Variants in IHO1 observed in about 807,000 individuals in gnomAD.
IHO1 encodes interactor of HORMAD1 1.
Under a neutral mutation model 31.0 loss-of-function variants are expected in IHO1, and 13 were observed. The ratio of observed to expected loss-of-function variants is 0.42; its 90% CI spans 0.27 to 0.67. The LOEUF (loss-of-function observed/expected upper bound fraction) is 0.67, where lower values mean the gene tolerates loss of function less well. Ranked by LOEUF, IHO1 falls within the 30% of genes least tolerant of loss-of-function variation. The pLI, the probability that IHO1 is intolerant of heterozygous loss-of-function variation, is 0.24. For missense variants in IHO1, 599 were observed against 687.5 expected (o/e 0.87, Z 1.44); for synonymous variants, 221 against 248.4 (o/e 0.89, Z 1.04).
At chr3:49,209,067 G>A (rs2046175847) in intron 1 of IHO1, among the ~76,000 whole-genome samples, 1 of 152,154 alleles carries the variant, frequency 6.6e-6, no homozygotes, top group African/African-American at 2.4e-5. Context: ...AAACCATGTG[G>A]TAAACACAGA....
chr3:49,221,143 GTTTTTACAGAGTGCTGATTGGTGCA>G lies in IHO1; in HGVS notation c.56+9336_56+9360del, dbSNP rs879445940. Among the ~76,000 whole-genome samples the G allele has an allele frequency of 7.8e-3, 1,177 of 151,824 alleles. 5 individuals carry two copies. The highest frequency in any genetic ancestry group is 0.013 in the Non-Finnish European group (865 of 67,926). On this transcript the variant is annotated intron_variant, in intron 2 of 7. Transcript: ENST00000452691. Reference sequence around the variant, plus strand: ...CTAGACACAGAGTGCTGACTGGTGTGTTTTTACAGAGTGCTGATTGGTGCATTTTTACAGAGTGCTGATTGGTGCA... The same window carrying G: ...CTAGACACAGAGTGCTGACTGGTGTGTTTTTACAGAGTGCTGATTGGTGCA...
chr3:49,224,974 CAGTG>C (rs1320186524), intron 2 of IHO1, among the ~76,000 whole-genome samples: 2 of 152,236 alleles, frequency 1.3e-5, no homozygotes, highest in African/African-American at 4.8e-5. Flanking sequence ...GTAGTCCAGA[CAGTG>C]AGATTCTTTC....
In IHO1 at chr3:49,244,374, A is replaced by C. The variant is rs776209396; in HGVS notation, c.396-30A>C. On this transcript the variant is annotated intron_variant, in intron 4 of 7. Transcript: ENST00000452691. Reference sequence around the variant, plus strand: ...CTTATCACTTCAATATTTCATAAAGATTTGTTTTCTTTTTTCCCTCCTATT... The same window carrying C: ...CTTATCACTTCAATATTTCATAAAGCTTTGTTTTCTTTTTTCCCTCCTATT... 3 of 1,323,040 alleles carry C rather than the reference A, an allele frequency of 2.3e-6. No individual in the cohort carries two copies. In the South Asian group the frequency reaches 3.6e-5, roughly 16 times the overall value. 82.0% of individuals were successfully genotyped at this position (1,323,040 alleles called of 1,614,324 possible).
chr3:49,243,533 C>T (rs56100140), intron 4 of IHO1, among the ~76,000 whole-genome samples: 2 of 151,688 alleles, frequency 1.3e-5, no homozygotes, highest in Non-Finnish European at 2.9e-5. Flanking sequence ...CCGAGGCAGG[C>T]GGATCACGAG....
intron 6 of IHO1, among the ~76,000 whole-genome samples, chr3:49,250,503 G>C (rs1057417072): frequency 6.6e-6 from 1 of 152,122 alleles, no homozygotes; most frequent in African/African-American, 2.4e-5. Context: ...GCTTTTGTGA[G>C]GGTCAGTAAT....
intron 1 of IHO1, among the ~76,000 whole-genome samples, chr3:49,207,699 C>T (rs553331246): frequency 1.1e-4 from 16 of 152,000 alleles, no homozygotes; most frequent in African/African-American, 3.1e-4. Context: ...CCCTTGTAAA[C>T]GTTTAAAAAT....
chr3:49,257,405 G>A lies in IHO1; in HGVS notation c.*123G>A. The A allele has an allele frequency of 1.1e-6, 1 of 947,440 alleles. No individual in the cohort carries two copies. The highest frequency in any genetic ancestry group is 1.6e-6 in the Non-Finnish European group (1 of 621,814). 58.7% of individuals were successfully genotyped at this position (947,440 alleles called of 1,614,324 possible). A position where few individuals can be genotyped will look rare whatever the true frequency, so the allele number is the denominator to read the frequency against. On this transcript the variant is annotated 3_prime_UTR_variant, in exon 8 of 8. Coordinates refer to ENST00000452691, the MANE Select transcript of IHO1 (RefSeq NM_001135197.2). ...CCAGGGTCAGAGGCCCTGCTGAGGT[G>A]GGGCAATGAGCACGAGGGCAGGGAA...
intron 2 of IHO1, among the ~76,000 whole-genome samples, chr3:49,232,603 A>G (rs1480135321): frequency 6.6e-6 from 1 of 152,198 alleles, no homozygotes; most frequent in African/African-American, 2.4e-5. Context: ...GAGGATCCCA[A>G]AGACCCACCA....
intron 6 of IHO1, among the ~76,000 whole-genome samples, chr3:49,247,138 C>T (rs1054078280): frequency 2.0e-5 from 3 of 151,590 alleles, no homozygotes; most frequent in East Asian, 2.0e-4. Flanking sequence ...CGTGAGCTAC[C>T]GCGCCTGGCA....
chr3:49,220,930 C>G (rs2107698922), intron 2 of IHO1, among the ~76,000 whole-genome samples: 1 of 152,312 alleles, frequency 6.6e-6, no homozygotes, highest in East Asian at 1.9e-4. Flanking sequence ...AACAAATCTT[C>G]CACAATGTGG....
Position 49,256,839 on chromosome 3 carries a change from G to C in IHO1, c.1342G>C (p.Ala448Pro). The C allele has an allele frequency of 6.2e-7, 1 of 1,614,128 alleles. No homozygotes were observed. The highest frequency in any genetic ancestry group is 8.5e-7 in the Non-Finnish European group (1 of 1,179,956). ...AGACAAGAAGCAGCAGCCCAGGAAG[G>C]CCCACAGGGCCCACAGAGGCAGGCT... The part of the protein sequence containing the change: ...GKDKKQQPRK[A>P]HRAHRGRLIA... The change falls in exon 8 of 8, where the codon GCC becomes CCC. Residue 448 changes from alanine (A) to proline (P), a missense_variant. Physicochemically the swap from Ala to Pro is conservative, Grantham distance 27. Transcript: ENST00000452691. This position sits in a 1 kb window ranked among gnomAD's most constrained non-coding sequence, Gnocchi z 4.6.
At chr3:49,191,674 G>A in the IHO1 span, 1 of 1,514,970 alleles carries the variant, frequency 6.6e-7, no homozygotes, top group Non-Finnish European at 9.1e-7. Flanking sequence ...CACTTCACCG[G>A]CATGACTCAG....
At chr3:49,221,203 C>G (rs1222461946) in intron 2 of IHO1, among the ~76,000 whole-genome samples, 2 of 151,246 alleles carry the variant, frequency 1.3e-5, no homozygotes, top group African/African-American at 4.9e-5. Flanking sequence ...ATTTACAATC[C>G]TTTAGCTAGA....
intron 1 of IHO1, among the ~76,000 whole-genome samples, chr3:49,205,760 T>A (rs1361566728): frequency 1.5e-5 from 2 of 129,998 alleles, no homozygotes; most frequent in Admixed American, 1.8e-4. Flanking sequence ...CCACTGCGCC[T>A]GGGCAATTTT....
At chr3:49,237,590 G>A (rs2046575027) in intron 3 of IHO1, among the ~76,000 whole-genome samples, 1 of 151,522 alleles carries the variant, frequency 6.6e-6, no homozygotes, top group Non-Finnish European at 1.5e-5. Context: ...CCAATCCTAG[G>A]GAGAGGCAAA....
rs539188659 is a variant in IHO1, at chr3:49,210,235, AG to A, written c.-15-1530del. Among the ~76,000 whole-genome samples, 14 of 151,314 alleles carry A rather than the reference AG, an allele frequency of 9.3e-5. No individual in the cohort carries two copies. The East Asian group carries it at 2.7e-3, about 29-fold the overall frequency. On this transcript the variant is annotated intron_variant, in intron 1 of 7. Transcript: ENST00000452691. ...TTTTTTATTTTTAATTTTTTGACAT[AG>A]TTTGAGAGATAATTTTTTGAGATTT...
upstream of IHO1, among the ~76,000 whole-genome samples, chr3:49,194,296 A>G (rs1190780941): frequency 2.3e-4 from 26 of 112,618 alleles, no homozygotes; most frequent in Non-Finnish European, 4.3e-4. Flanking sequence ...CAAAGTGTAT[A>G]TATATATATA....
chr3:49,256,907 A>T lies in IHO1; in HGVS notation c.1410A>T (p.Lys470Asn). 1 of 1,614,198 alleles carries T rather than the reference A, an allele frequency of 6.2e-7. No individual in the cohort carries two copies. The highest frequency in any genetic ancestry group is 1.1e-5 in the South Asian group (1 of 91,080). The change falls in exon 8 of 8, where the codon AAA becomes AAT. Residue 470 changes from lysine to asparagine, a missense_variant. Coordinates refer to ENST00000452691, the MANE Select transcript of IHO1 (RefSeq NM_001135197.2). The surrounding 1 kb of genome is among the most constrained non-coding windows in gnomAD (Gnocchi z 4.6). ...AACAAATCCCAATCCAGACCTGTAA[A>T]TTCAATTCCAAATATCAGAGTCCTC... The part of the protein sequence containing the change: ...KQKQIPIQTC[K>N]FNSKYQSPQP...
At chr3:49,215,712 G>T (rs1050083524) in intron 2 of IHO1, among the ~76,000 whole-genome samples, 1 of 152,170 alleles carries the variant, frequency 6.6e-6, no homozygotes, top group African/African-American at 2.4e-5. Context: ...GGTTTATTTA[G>T]CAGGGAGGAA....
Sources: allele counts gnomAD v4.1 joint callset (sites outside exome capture counted in the v4.1 genomes callset), GRCh38; gene constraint gnomAD v4.1.1; non-coding constraint Gnocchi (gnomAD v3.1); transcripts MANE v1.5; gene names NCBI Gene and HGNC (gene_info 2026-07-23, HGNC 2026-07-21).